Variants in FNBP1 observed in about 807,000 individuals in gnomAD.
FNBP1 encodes formin binding protein 1.
In FNBP1, 26 loss-of-function variants were observed where a neutral mutation model predicts 90.6. The observed-to-expected ratio is 0.29, with a 90% confidence interval of 0.21 to 0.40. The LOEUF (loss-of-function observed/expected upper bound fraction) is 0.40. Among genes scored for constraint, FNBP1 ranks in the 10% least tolerant of loss-of-function variants. The pLI is 1.00. For synonymous variants in FNBP1, 260 were observed against 265.2 expected (o/e 0.98, Z 0.19); for missense variants, 635 against 768.0 (o/e 0.83, Z 2.05).
intron 1 of FNBP1, among the ~76,000 whole-genome samples, chr9:130,002,618 G>A (rs372653715): frequency 4.6e-5 from 7 of 152,140 alleles, no homozygotes; most frequent in African/African-American, 1.7e-4. Context: ...CTGGATGCAG[G>A]TGCCTTATCT....
rs771806214 is a variant in FNBP1 at position 129,915,978 on chromosome 9, A to G, written c.1173T>C (p.Leu391=). 1 of 1,608,896 alleles carries G rather than the reference A, an allele frequency of 6.2e-7. No individual in the cohort carries two copies. The highest frequency in any genetic ancestry group is 2.2e-5 in the East Asian group (1 of 44,860). ...IHCFRSLKRG[L]SLKLGATPED... ...CAATTGTGCTTACCAGCTTGAGAGA[A>G]AGCTTCATGTAAAAATTGGAGAGGT... Residue 391 remains leucine, a splice_region_variant and synonymous_variant, in exon 11 of 17, where the codon CTT becomes CTC. Transcript: ENST00000446176.
intron 6 of FNBP1, among the ~76,000 whole-genome samples, chr9:129,949,915 A>G (rs1474223078): frequency 6.6e-6 from 1 of 152,192 alleles, no homozygotes; most frequent in Non-Finnish European, 1.5e-5. Flanking sequence ...GACAAAGTTC[A>G]CATGTACAAA....
At chr9:130,047,567 C>T (rs759349628), upstream of FNBP1, among the ~76,000 whole-genome samples, 4 of 152,032 alleles carry the variant, frequency 2.6e-5, no homozygotes, top group Admixed American at 6.6e-5. Flanking sequence ...GATCCAAGAT[C>T]GCACCACTGC....
At chr9:130,053,766 G>A in the FNBP1 span, 2 of 642,478 alleles carry the variant, frequency 3.1e-6, no homozygotes, top group South Asian at 3.8e-5. Flanking sequence ...CCCGAGGTGG[G>A]CAGCACAGGC....
At chr9:129,907,611 GTGTGTGTGTGTGTGT>G (rs1291264761) in intron 12 of FNBP1, among the ~76,000 whole-genome samples, 1 of 150,370 alleles carries the variant, frequency 6.7e-6, no homozygotes, top group African/African-American at 2.5e-5. Flanking sequence ...GTGTGTGTGT[GTGTGTGTGTGTGTGT>G]TATTTGACTG....
intron 11 of FNBP1, among the ~76,000 whole-genome samples, chr9:129,910,416 A>C (rs529486910): frequency 1.2e-3 from 154 of 130,078 alleles, no homozygotes; most frequent in Admixed American, 5.4e-3. Context: ...CGGGAAGCGG[A>C]GGTTGTAGTG....
intron 4 of FNBP1, 30 bp from the exon 5 acceptor site, chr9:129,958,583 G>C: frequency 6.4e-7 from 1 of 1,554,216 alleles, no homozygotes; most frequent in Non-Finnish European, 8.8e-7. Flanking sequence ...CTGGTGATTA[G>C]TACCCTCTGC....
intron 6 of FNBP1, among the ~76,000 whole-genome samples, chr9:129,932,194 G>A (rs1159062367): frequency 6.7e-6 from 1 of 149,668 alleles, no homozygotes; most frequent in Non-Finnish European, 1.5e-5. Flanking sequence ...CTGGGCGACT[G>A]AGCCAGACTA....
In FNBP1 at chr9:129,979,802, G is replaced by C. The variant is rs111260924; in HGVS notation, c.141-428C>G. 3.9e-5 allele frequency among the ~76,000 whole-genome samples: 6 copies of C among 152,042 alleles called. No homozygotes were observed. The East Asian group carries it at 9.8e-4, about 25-fold the overall frequency. ...CTACAGGTGCACGCCACCACATCTG[G>C]CTAATTTTTTTTGTATTTTTAGTAG... On this transcript the variant is annotated intron_variant, in intron 2 of 16. Coordinates refer to ENST00000446176, the MANE Select transcript of FNBP1 (RefSeq NM_015033.3).
chr9:129,944,986 C>A (rs2045010941), intron 6 of FNBP1, among the ~76,000 whole-genome samples: 1 of 152,206 alleles, frequency 6.6e-6, no homozygotes, highest in African/African-American at 2.4e-5. Flanking sequence ...AACACACACA[C>A]ACACACATAA....
rs544960059 is a variant in FNBP1 at position 130,028,064 on chromosome 9, C to T, written c.24+14888G>A. 3.3e-5 allele frequency among the ~76,000 whole-genome samples: 5 copies of T among 152,294 alleles called. No individual in the cohort carries two copies. The South Asian group carries it at 1.0e-3, about 32-fold the overall frequency. On this transcript the variant is annotated intron_variant, in intron 1 of 16. Coordinates refer to ENST00000446176, the MANE Select transcript of FNBP1 (RefSeq NM_015033.3). ...GGATTCCAGGTATGGGCCACCATGC[C>T]TGGGGGCATCACTTTAACCATACTC... is the stretch of plus-strand genomic sequence containing the variant.
At chr9:130,005,499 A>G (rs934227890) in intron 1 of FNBP1, among the ~76,000 whole-genome samples, 3 of 151,354 alleles carry the variant, frequency 2.0e-5, no homozygotes, top group Non-Finnish European at 2.9e-5. Context: ...CCGCCACCAC[A>G]CCCGGCTAAT....
At chr9:130,036,938 G>T (rs1190140688) in intron 1 of FNBP1, among the ~76,000 whole-genome samples, 1 of 152,014 alleles carries the variant, frequency 6.6e-6, no homozygotes, top group Admixed American at 6.6e-5. Flanking sequence ...CCAGCTACTC[G>T]GGAGGCTGAG....
At position 129,890,419 on chromosome 9, in the gene FNBP1, C is replaced by G; in HGVS notation, c.*120G>C. Reference sequence around the variant, plus strand: ...TGCTGGAGAGAGAGAGAGACCGCCCCGCAGGGATGGGGCTGCGGAGGGGTG... The same window carrying G: ...TGCTGGAGAGAGAGAGAGACCGCCCGGCAGGGATGGGGCTGCGGAGGGGTG... On this transcript the variant is annotated 3_prime_UTR_variant, in exon 17 of 17. Coordinates refer to ENST00000446176, the MANE Select transcript of FNBP1 (RefSeq NM_015033.3). This position sits in a 1 kb window ranked among gnomAD's most constrained non-coding sequence, Gnocchi z 5.8. 3.7e-6 allele frequency: 3 copies of G among 821,266 alleles called. No individual in the cohort carries two copies. The highest frequency in any genetic ancestry group is 1.7e-5 in the African/African-American group (1 of 58,200). 50.9% of individuals were successfully genotyped at this position (821,266 alleles called of 1,614,324 possible). A position where few individuals can be genotyped will look rare whatever the true frequency, so the allele number is the denominator to read the frequency against.
intron 3 of FNBP1, among the ~76,000 whole-genome samples, chr9:129,979,028 A>C (rs1020413380): frequency 1.3e-5 from 2 of 152,212 alleles, no homozygotes; most frequent in African/African-American, 2.4e-5. Flanking sequence ...GGGACTCCTG[A>C]CAGTGCCAAA....
chr9:129,979,168 A>G (rs988542516), intron 3 of FNBP1, 150 bp downstream of exon 3: 25 of 535,932 alleles, frequency 4.7e-5, no homozygotes, highest in African/African-American at 4.2e-4. Context: ...AAAGTTAATT[A>G]TGTTTTTATT....
At chr9:129,915,849 A>G in intron 11 of FNBP1, 117 bp downstream of exon 11, 1 of 726,106 alleles carries the variant, frequency 1.4e-6, no homozygotes, top group Non-Finnish European at 2.4e-6. Context: ...AAGCACACGT[A>G]AGAGAAACAC....
In FNBP1 at chr9:130,041,011, T is replaced by A. The variant is rs1333112014; in HGVS notation, c.24+1941A>T. ...TTTTTTCTTTTTTCTTTTCTTTTTTTTTTTTTTAAGAGGAGGCCTCTCCAG... is the reference window on the plus strand; with the variant it reads ...TTTTTTCTTTTTTCTTTTCTTTTTTATTTTTTTAAGAGGAGGCCTCTCCAG... On this transcript the variant is annotated intron_variant, in intron 1 of 16. Transcript: ENST00000446176. This position sits in a 1 kb window ranked among gnomAD's most constrained non-coding sequence, Gnocchi z 4.3. 6.6e-6 allele frequency among the ~76,000 whole-genome samples: 1 copy of A among 150,864 alleles called. No individual in the cohort carries two copies. Among genetic ancestry groups the A allele is most frequent in the African/African-American group, 2.4e-5 (1 of 41,154 alleles).
chr9:129,992,549 C>CTTTTTT (rs11455680), intron 2 of FNBP1, among the ~76,000 whole-genome samples: 12 of 92,576 alleles, frequency 1.3e-4, no homozygotes, highest in Non-Finnish European at 1.7e-4. Flanking sequence ...ACACATAGCT[C>CTTTTTT]TTTTTTTTTT....
Sources: gnomAD v4.1 joint callset for allele counts (sites outside exome capture counted in the v4.1 genomes callset) on GRCh38, gnomAD v4.1.1 for gene constraint, Gnocchi (gnomAD v3.1) non-coding constraint, MANE v1.5 for transcripts, NCBI Gene and HGNC (gene_info 2026-07-23, HGNC 2026-07-21) for gene names.